PTPDC1: variants seen among roughly 807,000 people sequenced by gnomAD.
The protein encoded by PTPDC1 is protein tyrosine phosphatase domain containing 1, also known as protein tyrosine phosphatase domain-containing protein 1.
A neutral mutation model predicts 75.3 loss-of-function variants in PTPDC1; 53 were observed. The observed-to-expected ratio is 0.70, with a 90% CI of 0.56 to 0.88. The LOEUF is 0.88. Among genes scored for constraint, PTPDC1 ranks in the 40% least tolerant of loss-of-function variants. The probability of loss-of-function intolerance (pLI) is 0.00; values close to 1 mark genes in which losing one functional copy is unlikely to be tolerated. For synonymous variants in PTPDC1, 349 were observed against 366.2 expected (o/e 0.95, Z 0.54); for missense variants, 925 against 998.6 (o/e 0.93, Z 0.99).
At chr9:94,041,645 C>G (rs1825430237) in intron 1 of PTPDC1, among the ~76,000 whole-genome samples, 1 of 152,168 alleles carries the variant, frequency 6.6e-6, no homozygotes, top group African/African-American at 2.4e-5. Flanking sequence ...TTTTGTTACT[C>G]AAATTGTTTC....
At position 94,098,388 on chromosome 9, in the gene PTPDC1, A is replaced by G; in HGVS notation, c.1822A>G (p.Ser608Gly). The G allele has an allele frequency of 6.2e-7, 1 of 1,614,236 alleles. No individual in the cohort carries two copies. The highest frequency in any genetic ancestry group is 8.5e-7 in the Non-Finnish European group (1 of 1,180,036). Reference protein sequence around the residue: ...TPRSPLDCGSSPKAQFLVEHE... With the variant: ...TPRSPLDCGSGPKAQFLVEHE... ...CCGAAGCCCTCTGGACTGTGGCTCC[A>G]GTCCCAAAGCACAGTTCTTGGTTGA... The change falls in exon 6 of 9, where the codon AGT (serine) becomes GGT (glycine). Residue 608 changes from serine to glycine, a missense_variant. By Grantham distance (56) the Ser-to-Gly change is moderately conservative. Coordinates refer to ENST00000620992, the MANE Select transcript of PTPDC1 (RefSeq NM_001253829.2).
At chr9:94,088,124 G>C (rs1224347956) in intron 3 of PTPDC1, 21 bp from the exon 4 acceptor site, 2 of 1,609,142 alleles carry the variant, frequency 1.2e-6, no homozygotes, top group Non-Finnish European at 1.7e-6. Context: ...CAATATGACT[G>C]ACTGCCCTTT....
chr9:94,097,415 A>G lies in PTPDC1; in HGVS notation c.849A>G (p.Gln283=). 2 of 1,614,146 alleles carry G rather than the reference A, an allele frequency of 1.2e-6. No homozygotes were observed. The highest frequency in any genetic ancestry group is 1.7e-6 in the Non-Finnish European group (2 of 1,180,020). The stretch of plus-strand genomic sequence containing the variant: ...GGGCAAAGCGACCCAATTCCATACA[A>G]ACCAGAGGACAGCTCCTCTGTGTAA... ...FVRAKRPNSI[Q]TRGQLLCVRE... is the part of the protein sequence containing the mutation. The change falls in exon 6 of 9, where the codon CAA becomes CAG. Residue 283 remains glutamine, a synonymous_variant. Transcript: ENST00000620992.
intron 1 of PTPDC1, among the ~76,000 whole-genome samples, chr9:94,057,717 A>C (rs1006573751): frequency 5.9e-5 from 9 of 152,342 alleles, no homozygotes; most frequent in Middle Eastern, 3.4e-3. Context: ...AGAATTTCTG[A>C]TTCTAAAATA....
chr9:94,038,316 C>A, intron 1 of PTPDC1: 1 of 674,270 alleles, frequency 1.5e-6, no homozygotes, highest in Admixed American at 2.0e-5. Flanking sequence ...AAAATGATAG[C>A]TTATCTCAAA....
At chr9:94,079,105 T>G (rs533821273) in intron 2 of PTPDC1, among the ~76,000 whole-genome samples, 1 of 152,344 alleles carries the variant, frequency 6.6e-6, no homozygotes, top group East Asian at 1.9e-4. Context: ...TTTTAGCACC[T>G]CTAGATACTC....
At chr9:94,102,417 A>G (rs1490990505) in intron 7 of PTPDC1, among the ~76,000 whole-genome samples, 1 of 151,950 alleles carries the variant, frequency 6.6e-6, no homozygotes, top group East Asian at 1.9e-4. Flanking sequence ...AGGAGAAATA[A>G]GAAACTGGTA....
intron 1 of PTPDC1, among the ~76,000 whole-genome samples, chr9:94,058,070 T>TG (rs1447084115): frequency 6.6e-6 from 1 of 152,158 alleles, no homozygotes; most frequent in Non-Finnish European, 1.5e-5. Context: ...GCTGTCTCCC[T>TG]GGGGGCAGTT....
intron 1 of PTPDC1, among the ~76,000 whole-genome samples, chr9:94,058,106 A>C (rs887632867): frequency 6.6e-6 from 1 of 152,052 alleles, no homozygotes; most frequent in Non-Finnish European, 1.5e-5. Context: ...AGGGAGGGGG[A>C]CTAAGACAGA....
At chr9:94,064,142 G>A (rs1199845910) in intron 1 of PTPDC1, among the ~76,000 whole-genome samples, 2 of 152,162 alleles carry the variant, frequency 1.3e-5, no homozygotes, top group Non-Finnish European at 2.9e-5. Flanking sequence ...TTGTTTATCT[G>A]GAAGCTCAAA....
chr9:94,085,809 C>CT (rs1827054351), intron 2 of PTPDC1, among the ~76,000 whole-genome samples: 2 of 152,108 alleles, frequency 1.3e-5, no homozygotes, highest in African/African-American at 4.8e-5. Context: ...TAAGCTTTAG[C>CT]TTTTATGTTA....
At chr9:94,056,274 T>G (rs188105770) in intron 1 of PTPDC1, among the ~76,000 whole-genome samples, 3 of 152,164 alleles carry the variant, frequency 2.0e-5, no homozygotes, top group African/African-American at 7.2e-5. Context: ...TAAAAATATT[T>G]ATGTGGCTTT....
chr9:94,091,674 A>G (rs887971326), intron 4 of PTPDC1, among the ~76,000 whole-genome samples: 3 of 152,090 alleles, frequency 2.0e-5, no homozygotes, highest in African/African-American at 7.2e-5. Flanking sequence ...GTTCCTCCTT[A>G]TACCTCTGGT....
At position 94,062,047 on chromosome 9, in the gene PTPDC1, G is replaced by A. The variant is rs567910423; in HGVS notation, c.-6-2687G>A. Among the ~76,000 whole-genome samples the A allele has an allele frequency of 2.0e-5, 3 of 152,230 alleles. No homozygotes were observed. In the South Asian group the frequency reaches 6.2e-4, roughly 32 times the overall value. On this transcript the variant is annotated intron_variant, in intron 1 of 9. Transcript: ENST00000375360. ...TTTTAAATATAAGTTTTAGTTTCAG[G>A]TCATGTCTTTGCTCATGCATATGAG...
intron 8 of PTPDC1, among the ~76,000 whole-genome samples, chr9:94,105,723 C>T (rs1368896775): frequency 6.8e-6 from 1 of 147,956 alleles, no homozygotes; most frequent in African/African-American, 2.5e-5. Flanking sequence ...AATCCAAGCA[C>T]TTTGGGAGGC....
intron 5 of PTPDC1, among the ~76,000 whole-genome samples, chr9:94,095,709 T>G (rs1564032110): frequency 6.6e-6 from 1 of 152,208 alleles, no homozygotes; most frequent in East Asian, 1.9e-4. Context: ...AGATTATGCG[T>G]ATACTAAATA....
At chr9:94,072,589 CAG>C (rs1826548349) in intron 2 of PTPDC1, among the ~76,000 whole-genome samples, 1 of 151,936 alleles carries the variant, frequency 6.6e-6, no homozygotes, top group Non-Finnish European at 1.5e-5. Context: ...GTCACAAGAG[CAG>C]AGTCTTTGCC....
Position 94,098,202 on chromosome 9 carries a change from G to C in PTPDC1, c.1636G>C (p.Ala546Pro), listed in dbSNP as rs1252560453. 1.2e-6 allele frequency: 2 copies of C among 1,614,188 alleles called. No homozygotes were observed. The highest frequency in any genetic ancestry group is 1.7e-6 in the Non-Finnish European group (2 of 1,180,030). Reference sequence around the variant, plus strand: ...AGCACAGCAGAGTGGAGCTTTCTCTGCAGATGTTTCAGGCTCACACAGCCC... The same window carrying C: ...AGCACAGCAGAGTGGAGCTTTCTCTCCAGATGTTTCAGGCTCACACAGCCC... ...KEAQQSGAFS[A>P]DVSGSHSPGE... The change falls in exon 6 of 9, where the codon GCA becomes CCA. Residue 546 changes from alanine (A) to proline (P), a missense_variant. Physicochemically the swap from Ala to Pro is conservative, Grantham distance 27. Transcript: ENST00000620992.
chr9:94,103,014 A>G (rs1240102679), intron 7 of PTPDC1, among the ~76,000 whole-genome samples: 1 of 92,078 alleles, frequency 1.1e-5, no homozygotes, highest in Admixed American at 1.3e-4. Flanking sequence ...ACACACACAC[A>G]CACACACGGA....
Sources: gnomAD v4.1 joint callset for allele counts (sites outside exome capture counted in the v4.1 genomes callset) on GRCh38, gnomAD v4.1.1 for gene constraint, MANE v1.5 for transcripts, NCBI Gene and HGNC (gene_info 2026-07-23, HGNC 2026-07-21) for gene names.